HSPA4L: variants seen among roughly 807,000 people sequenced by gnomAD.
HSPA4L encodes the protein heat shock 70 kDa protein 4L.
Under a neutral mutation model 100.3 loss-of-function variants are expected in HSPA4L, and 48 were observed. That is an observed-to-expected ratio of 0.48 (90% confidence interval 0.38 to 0.61). The LOEUF is 0.61. Among genes scored for constraint, HSPA4L ranks in the 20% least tolerant of loss-of-function variants. The pLI, the probability that HSPA4L is intolerant of heterozygous loss-of-function variation, is 0.00. For synonymous variants in HSPA4L, 319 were observed against 328.2 expected (o/e 0.97, Z 0.30); for missense variants, 886 against 988.6 (o/e 0.90, Z 1.39).
At chr4:127,820,966 CTT>C (rs1578717957) in intron 14 of HSPA4L, among the ~76,000 whole-genome samples, 1 of 152,036 alleles carries the variant, frequency 6.6e-6, no homozygotes, top group South Asian at 2.1e-4. Flanking sequence ...TTTAAAAAAT[CTT>C]TGTCATTCTT....
Position 127,832,791 on chromosome 4 carries a change from CAG to C in HSPA4L, c.2440_2441del (p.Ser814TrpfsTer3), listed in dbSNP as rs1299332933. On this transcript the variant is annotated frameshift_variant, in exon 19 of 19. Transcript: ENST00000296464. LOFTEE classifies it high-confidence loss of function. Reference sequence around the variant, plus strand: ...TGAACACAATGGCCCAATGGATGGACAGAGTGGAACTGAAACTAAATCAGATT... The same window carrying C: ...TGAACACAATGGCCCAATGGATGGACAGTGGAACTGAAACTAAATCAGATT... ...NSEHNGPMDG[Q>X]SGTETKSDST... The C allele has an allele frequency of 6.2e-7, 1 of 1,613,494 alleles. No homozygotes were observed.
intron 1 of HSPA4L, chr4:127,783,598 T>C (rs1732630444): frequency 2.0e-6 from 3 of 1,532,854 alleles, no homozygotes; most frequent in African/African-American, 2.7e-5. Context: ...TATGAAAAAC[T>C]AGTTGCTGCT....
chr4:127,781,955 A>C (rs565725845), upstream of HSPA4L: 30 of 424,036 alleles, frequency 7.1e-5, no homozygotes, highest in Non-Finnish European at 1.4e-4. Context: ...CAACCCAAAA[A>C]TGTGCCTCAA....
chr4:127,822,410 T>C (rs541469045), intron 14 of HSPA4L, among the ~76,000 whole-genome samples: 4 of 152,352 alleles, frequency 2.6e-5, no homozygotes, highest in African/African-American at 9.6e-5. Context: ...TGTTCATCTT[T>C]TAGTGCACAT....
intron 12 of HSPA4L, among the ~76,000 whole-genome samples, chr4:127,815,418 G>A (rs938769591): frequency 6.6e-6 from 1 of 151,378 alleles, no homozygotes; most frequent in Non-Finnish European, 1.5e-5. Context: ...GGGTACTTTG[G>A]TTTGTGCCTA....
At chr4:127,829,197 C>A (rs985772754) in intron 17 of HSPA4L, among the ~76,000 whole-genome samples, 1 of 152,010 alleles carries the variant, frequency 6.6e-6, no homozygotes, top group Non-Finnish European at 1.5e-5. Context: ...ATGCTCTAGA[C>A]AAAGAATAGC....
intron 1 of HSPA4L, chr4:127,783,501 T>C (rs1257082047): frequency 1.4e-6 from 2 of 1,468,910 alleles, no homozygotes; most frequent in Non-Finnish European, 1.8e-6. Context: ...AGCGGCGTTA[T>C]GTCATGGAAA....
chr4:127,789,541 G>A (rs745720975), intron 1 of HSPA4L, among the ~76,000 whole-genome samples: 3 of 151,924 alleles, frequency 2.0e-5, no homozygotes, highest in South Asian at 2.1e-4. Flanking sequence ...CCAGCTACTC[G>A]GGAGGCTGAG....
In HSPA4L at chr4:127,832,909, G is replaced by T. The variant is rs1368399415; in HGVS notation, c.*35G>T. 6.7e-7 allele frequency: 1 copy of T among 1,491,688 alleles called. No homozygotes were observed. The highest frequency in any genetic ancestry group is 1.3e-5 in the South Asian group (1 of 76,560). 92.4% of individuals were successfully genotyped at this position (1,491,688 alleles called of 1,614,324 possible). The stretch of plus-strand genomic sequence containing the variant: ...TTACCTTCACATTAATTCAAACCGT[G>T]CAAGTAACCACGGGGTCCATCTTTT... On this transcript the variant is annotated 3_prime_UTR_variant, in exon 19 of 19. Transcript: ENST00000296464.
intron 1 of HSPA4L, among the ~76,000 whole-genome samples, chr4:127,782,868 A>T (rs1042322934): frequency 2.6e-5 from 4 of 151,870 alleles, no homozygotes; most frequent in Non-Finnish European, 5.9e-5. Flanking sequence ...TCCTTCAAGG[A>T]CGAGGGACCG....
chr4:127,830,493 T>C lies in HSPA4L; in HGVS notation c.2167-145T>C, dbSNP rs1350981729. The C allele has an allele frequency of 5.6e-6, 3 of 534,208 alleles. No homozygotes were observed. The African/African-American group carries it at 6.0e-5, about 11-fold the overall frequency. The allele number at this position is 534,208 out of a possible 1,614,324, so 33.1% of individuals were successfully genotyped here. On this transcript the variant is annotated intron_variant, in intron 17 of 18. Transcript: ENST00000296464. ...TTTTATCCCATTCTCTTCAGTTCTG[T>C]GTTATTCGTATGGGGTTTCTTCAGA... is the stretch of plus-strand genomic sequence containing the variant.
chr4:127,796,515 T>C (rs977875544), intron 3 of HSPA4L, among the ~76,000 whole-genome samples: 1 of 152,086 alleles, frequency 6.6e-6, no homozygotes, highest in Non-Finnish European at 1.5e-5. Context: ...AACTTGTACA[T>C]GAATGTTCAT....
In HSPA4L at chr4:127,822,867, T is replaced by C. The variant is rs1008792686; in HGVS notation, c.1911T>C (p.Thr637=). The C allele has an allele frequency of 3.1e-6, 5 of 1,613,418 alleles. No homozygotes were observed. Among genetic ancestry groups the C allele is most frequent in the Non-Finnish European group, 4.2e-6 (5 of 1,179,732 alleles). ...YVYDFRDRLG[T]VYEKFITPED... The stretch of plus-strand genomic sequence containing the variant: ...ATGATTTTAGAGACAGGCTGGGCAC[T>C]GTCTATGAAAAATTCATCACTCCAG... Residue 637 remains threonine, a synonymous_variant, in exon 15 of 19, where the codon ACT becomes ACC. Transcript: ENST00000296464.
rs1439177300 is a variant in HSPA4L at position 127,822,856 on chromosome 4, AGGCTGGGCACT to A, written c.1902_1912del (p.Arg634SerfsTer3). 1 of 1,613,658 alleles carries A rather than the reference AGGCTGGGCACT, an allele frequency of 6.2e-7. No homozygotes were observed. The highest frequency in any genetic ancestry group is 1.1e-5 in the South Asian group (1 of 91,066). ...AGAATATGTATATGATTTTAGAGAC[AGGCTGGGCACT>A]GTCTATGAAAAATTCATCACTCCAG... On this transcript the variant is annotated frameshift_variant, in exon 15 of 19. Coordinates refer to ENST00000296464, the MANE Select transcript of HSPA4L (RefSeq NM_014278.4). LOFTEE classifies it high-confidence loss of function.
At chr4:127,783,388 CGT>C in intron 1 of HSPA4L, 2 of 528,332 alleles carry the variant, frequency 3.8e-6, no homozygotes, top group Non-Finnish European at 4.9e-6. Flanking sequence ...GGACCAAAAG[CGT>C]GTTTCTGCAG....
rs1734127597 is a variant in HSPA4L at position 127,833,067 on chromosome 4, A to G, written c.*193A>G. ...TCCATTGCTGCTTATATGCAGTGTT[A>G]GCCGAATTAGATTTACAAGACAATC... On this transcript the variant is annotated 3_prime_UTR_variant, in exon 19 of 19. Transcript: ENST00000296464. The G allele has an allele frequency of 7.2e-6, 3 of 418,850 alleles. No homozygotes were observed. The highest frequency in any genetic ancestry group is 4.3e-5 in the Admixed American group (1 of 23,326). The allele number at this position is 418,850 out of a possible 1,614,324, so 25.9% of individuals were successfully genotyped here. A position where few individuals can be genotyped will look rare whatever the true frequency, so the allele number is the denominator to read the frequency against.
intron 10 of HSPA4L, among the ~76,000 whole-genome samples, chr4:127,806,889 C>T (rs1438479711): frequency 6.6e-6 from 1 of 151,760 alleles, no homozygotes; most frequent in Non-Finnish European, 1.5e-5. Context: ...GAATGTCTTG[C>T]AAAAGATTTT....
rs112241100 is a variant in HSPA4L, at chr4:127,804,133, C to T, written c.985+46C>T. The T allele has an allele frequency of 5.8e-5, 84 of 1,445,128 alleles. 1 individual carries two copies. The African/African-American group carries it at 9.0e-4, about 16-fold the overall frequency. 89.5% of individuals were successfully genotyped at this position (1,445,128 alleles called of 1,614,324 possible). A position where few individuals can be genotyped will look rare whatever the true frequency, so the allele number is the denominator to read the frequency against. Reference sequence around the variant, plus strand: ...TATCAAAACTGTACCATAATGTTGCCTACTTAGCGGGGGTAGATAATGATA... The same window carrying T: ...TATCAAAACTGTACCATAATGTTGCTTACTTAGCGGGGGTAGATAATGATA... On this transcript the variant is annotated intron_variant, in intron 8 of 18. Transcript: ENST00000296464.
At chr4:127,794,029 A>T in intron 1 of HSPA4L, 48 bp from the exon 2 acceptor site, 1 of 1,353,152 alleles carries the variant, frequency 7.4e-7, no homozygotes, top group Non-Finnish European at 1.0e-6. Flanking sequence ...ATAATAGCAC[A>T]ATAATATAAA....
Sources: allele counts gnomAD v4.1 joint callset (sites outside exome capture counted in the v4.1 genomes callset), GRCh38; gene constraint gnomAD v4.1.1; transcripts MANE v1.5; gene names NCBI Gene and HGNC (gene_info 2026-07-23, HGNC 2026-07-21).